Variants in SYCP1 observed in about 807,000 individuals in gnomAD.
SYCP1 encodes cancer/testis antigen 8.
Under a neutral mutation model 153.1 loss-of-function variants are expected in SYCP1, and 64 were observed. That is an observed-to-expected ratio of 0.42 (90% CI 0.34 to 0.51). The LOEUF (loss-of-function observed/expected upper bound fraction) is 0.51, where lower values mean the gene tolerates loss of function less well. SYCP1 is among the 20% of genes least tolerant of loss of function. SYCP1 has a pLI of 0.06. For synonymous variants in SYCP1, 384 were observed against 341.8 expected (o/e 1.12, Z -1.36); for missense variants, 997 against 1,049.0 (o/e 0.95, Z 0.68).
At chr1:114,976,097 T>C (rs1345991974) in intron 27 of SYCP1, among the ~76,000 whole-genome samples, 1 of 151,806 alleles carries the variant, frequency 6.6e-6, no homozygotes, top group Non-Finnish European at 1.5e-5. Flanking sequence ...TTAATGTTAG[T>C]TGATGTGCAA....
intron 15 of SYCP1, among the ~76,000 whole-genome samples, chr1:114,893,742 A>T (rs984090357): frequency 2.0e-5 from 3 of 152,058 alleles, no homozygotes; most frequent in African/African-American, 2.4e-5. Context: ...TCTTCTGATT[A>T]TGGGAGTGAG....
At chr1:114,877,975 G>T (rs1253544350) in intron 11 of SYCP1, 119 bp from the exon 12 acceptor site, 2 of 601,610 alleles carry the variant, frequency 3.3e-6, no homozygotes, top group African/African-American at 1.9e-5. Flanking sequence ...GGGTGGGAGG[G>T]TTAAGTGGAC....
chr1:114,865,976 T>C (rs780605318), intron 8 of SYCP1, among the ~76,000 whole-genome samples: 16 of 152,206 alleles, frequency 1.1e-4, no homozygotes, highest in Non-Finnish European at 1.3e-4. Context: ...GTAATATGCA[T>C]TCAAGTTTCC....
intron 27 of SYCP1, among the ~76,000 whole-genome samples, chr1:114,954,915 T>C (rs1418459382): frequency 6.6e-6 from 1 of 152,174 alleles, no homozygotes; most frequent in Non-Finnish European, 1.5e-5. Context: ...AGTGAATGAC[T>C]AGAACTTCCA....
At chr1:114,960,250 C>T (rs1352953986) in intron 27 of SYCP1, among the ~76,000 whole-genome samples, 1 of 148,034 alleles carries the variant, frequency 6.8e-6, no homozygotes, top group African/African-American at 2.5e-5. Context: ...TCACTGCAAC[C>T]TCCACCTCCT....
rs530232373 is a variant in SYCP1 at position 114,864,684 on chromosome 1, C to T, written c.598+3875C>T. On this transcript the variant is annotated intron_variant, in intron 8 of 31. Coordinates refer to ENST00000369522, the MANE Select transcript of SYCP1 (RefSeq NM_003176.4). The stretch of plus-strand genomic sequence containing the variant: ...TTGTATTTTTTTAGAGACAGGGTTT[C>T]GCCATGTTGCCCAGGATAGTCTCAA... Among the ~76,000 whole-genome samples the T allele has an allele frequency of 9.4e-4, 143 of 151,920 alleles. 1 individual carries two copies. Among genetic ancestry groups the T allele is most frequent in the African/African-American group, 3.1e-3 (130 of 41,440 alleles).
chr1:114,926,325 A>G lies in SYCP1; in HGVS notation c.1848A>G (p.Glu616=), dbSNP rs576305517. The G allele has an allele frequency of 4.9e-5, 75 of 1,539,508 alleles. 2 individuals are homozygous for G. In the Middle Eastern group the frequency reaches 1.4e-3, roughly 29 times the overall value. ...KQVENKNKYI[E]ELQQENKALK... is the part of the protein sequence containing the mutation. ...TTGAAAATAAAAACAAGTATATTGA[A>G]GAACTTCAGCAGGAGGTATGTATTT... is the stretch of plus-strand genomic sequence containing the variant. The change falls in exon 22 of 32, where the codon GAA becomes GAG. Residue 616 remains glutamate (E), a synonymous_variant. Transcript: ENST00000369522.
At chr1:114,891,618 A>G (rs143325683) in intron 15 of SYCP1, among the ~76,000 whole-genome samples, 50 of 152,316 alleles carry the variant, frequency 3.3e-4, no homozygotes, top group African/African-American at 1.1e-3. Flanking sequence ...TGCGTTGCCC[A>G]TCTTCAATTC....
chr1:114,945,752 C>T (rs1283581039), intron 25 of SYCP1, among the ~76,000 whole-genome samples: 4 of 150,920 alleles, frequency 2.7e-5, no homozygotes, highest in African/African-American at 9.7e-5. Flanking sequence ...TGAGTTATGA[C>T]AAAATGTTTA....
chr1:114,959,404 GA>G (rs1251330633), intron 27 of SYCP1, among the ~76,000 whole-genome samples: 1 of 152,104 alleles, frequency 6.6e-6, no homozygotes, highest in East Asian at 1.9e-4. Context: ...CTACATTTAT[GA>G]GAGCTATTGA....
chr1:114,900,653 C>T (rs199807380), intron 16 of SYCP1, among the ~76,000 whole-genome samples: 1 of 150,960 alleles, frequency 6.6e-6, no homozygotes, highest in African/African-American at 2.4e-5. Flanking sequence ...TTCCAGTAGT[C>T]TCAATTACAT....
intron 16 of SYCP1, among the ~76,000 whole-genome samples, chr1:114,904,654 T>C (rs1667702002): frequency 6.6e-6 from 1 of 152,236 alleles, no homozygotes; most frequent in Admixed American, 6.5e-5. Context: ...TACCTAAGTA[T>C]TTCTCTTTTT....
chr1:114,920,223 A>G (rs1668777572), intron 20 of SYCP1, among the ~76,000 whole-genome samples: 1 of 151,980 alleles, frequency 6.6e-6, no homozygotes, highest in African/African-American at 2.4e-5. Flanking sequence ...TTTCTTCTTA[A>G]TCTCTTTATT....
chr1:114,974,919 T>G (rs1440164182), intron 27 of SYCP1, among the ~76,000 whole-genome samples: 1 of 151,808 alleles, frequency 6.6e-6, no homozygotes, highest in Non-Finnish European at 1.5e-5. Flanking sequence ...TTGGCTGTAG[T>G]GACTGTACCA....
At chr1:114,875,065 T>G (rs1244189646) in intron 9 of SYCP1, among the ~76,000 whole-genome samples, 1 of 152,118 alleles carries the variant, frequency 6.6e-6, no homozygotes, top group African/African-American at 2.4e-5. Context: ...GCTTTTTTGT[T>G]ATTCTCCCCT....
intron 26 of SYCP1, 56 bp downstream of exon 26, chr1:114,946,437 T>A: frequency 9.2e-7 from 1 of 1,081,546 alleles, no homozygotes; most frequent in Non-Finnish European, 1.3e-6. Flanking sequence ...CAGCAGTGAC[T>A]GGTGGTAAAG....
chr1:114,886,336 C>A, intron 14 of SYCP1, 27 bp downstream of exon 14: 1 of 1,464,220 alleles, frequency 6.8e-7, no homozygotes, highest in South Asian at 1.5e-5. Flanking sequence ...TTTTAATACA[C>A]AAAATAAGTG....
intron 2 of SYCP1, among the ~76,000 whole-genome samples, chr1:114,856,139 A>G (rs559032989): frequency 2.0e-4 from 30 of 152,338 alleles, no homozygotes; most frequent in Middle Eastern, 3.4e-3. Context: ...TGGAGATGCA[A>G]TGATGCAATG....
At chr1:114,900,238 A>G (rs1667335386) in intron 16 of SYCP1, among the ~76,000 whole-genome samples, 1 of 152,086 alleles carries the variant, frequency 6.6e-6, no homozygotes, top group Admixed American at 6.5e-5. Context: ...ATTTGAAACA[A>G]TTCTTTAACC....
Sources: gnomAD v4.1 joint callset for allele counts (sites outside exome capture counted in the v4.1 genomes callset) on GRCh38, gnomAD v4.1.1 for gene constraint, MANE v1.5 for transcripts, NCBI Gene and HGNC (gene_info 2026-07-23, HGNC 2026-07-21) for gene names.